Variants in ACOXL observed in about 807,000 individuals in gnomAD.
ACOXL encodes the protein acyl-coenzyme A oxidase-like protein.
In ACOXL, 70 loss-of-function variants were observed where a neutral mutation model predicts 71.9. The observed-to-expected ratio is 0.97, with a 90% CI of 0.80 to 1.19. The LOEUF (loss-of-function observed/expected upper bound fraction) is 1.19, where lower values mean the gene tolerates loss of function less well. Among genes scored for constraint, ACOXL ranks in the 50% most tolerant of loss-of-function variants. The pLI is 0.00. For missense variants in ACOXL, 703 were observed against 736.3 expected, an observed-to-expected ratio of 0.95 and a Z score of 0.52; for synonymous variants, 253 against 281.6, an observed-to-expected ratio of 0.90 and a Z score of 1.02.
intron 13 of ACOXL, among the ~76,000 whole-genome samples, chr2:110,987,787 T>C (rs1353182618): frequency 6.6e-6 from 1 of 152,238 alleles, no homozygotes; most frequent in Non-Finnish European, 1.5e-5. Flanking sequence ...TATTCTGTAA[T>C]ATTCCATCCT....
chr2:110,999,691 C>T (rs1263315479), intron 14 of ACOXL, among the ~76,000 whole-genome samples: 2 of 152,192 alleles, frequency 1.3e-5, no homozygotes, highest in African/African-American at 4.8e-5. Flanking sequence ...CTCTCTTTAT[C>T]TCTAATCACT....
intron 10 of ACOXL, among the ~76,000 whole-genome samples, chr2:110,858,143 G>A (rs932470797): frequency 3.3e-5 from 5 of 152,162 alleles, no homozygotes; most frequent in Non-Finnish European, 7.3e-5. Flanking sequence ...CTGTTTCGGG[G>A]ACAAGAAATT....
chr2:110,816,736 A>G (rs1687966938), intron 9 of ACOXL, among the ~76,000 whole-genome samples: 1 of 152,238 alleles, frequency 6.6e-6, no homozygotes, highest in South Asian at 2.1e-4. Flanking sequence ...TTCAGAGAGC[A>G]GCCGTGGCCT....
chr2:110,897,687 C>T (rs1430322696), intron 10 of ACOXL, among the ~76,000 whole-genome samples: 2 of 151,914 alleles, frequency 1.3e-5, no homozygotes, highest in Non-Finnish European at 1.5e-5. Flanking sequence ...TAGCAAGAAC[C>T]TAGAAAAAGA....
At chr2:110,919,444 A>G (rs1362970477) in intron 11 of ACOXL, among the ~76,000 whole-genome samples, 2 of 152,104 alleles carry the variant, frequency 1.3e-5, no homozygotes, top group Non-Finnish European at 2.9e-5. Context: ...CATTAGGAGA[A>G]ATACCTAATG....
intron 17 of ACOXL, among the ~76,000 whole-genome samples, chr2:111,094,846 A>C (rs1484845069): frequency 6.6e-6 from 1 of 152,186 alleles, no homozygotes; most frequent in Admixed American, 6.5e-5. Flanking sequence ...TATGGCTGGC[A>C]GCTCAGCTAG....
intron 15 of ACOXL, among the ~76,000 whole-genome samples, chr2:111,048,368 A>G (rs1283997842): frequency 1.3e-5 from 2 of 152,244 alleles, no homozygotes; most frequent in Non-Finnish European, 2.9e-5. Flanking sequence ...CAAAGGCTAA[A>G]CTAGTTGGGT....
At chr2:110,899,494 G>A (rs1280856550) in intron 10 of ACOXL, among the ~76,000 whole-genome samples, 5 of 152,166 alleles carry the variant, frequency 3.3e-5, no homozygotes. Flanking sequence ...AAAGAGGAGA[G>A]AAGGCCTGGA....
chr2:110,736,619 CTTTTTTT>C (rs57507260), intron 1 of ACOXL, among the ~76,000 whole-genome samples: 1 of 113,264 alleles, frequency 8.8e-6, no homozygotes, highest in African/African-American at 3.6e-5. Context: ...TTTGATTACT[CTTTTTTT>C]TTTTTTTTTT....
chr2:111,055,956 G>C (rs1202395220), intron 16 of ACOXL, among the ~76,000 whole-genome samples: 1 of 152,176 alleles, frequency 6.6e-6, no homozygotes, highest in African/African-American at 2.4e-5. Context: ...TAAGAGTGTG[G>C]CTGGCAGTGT....
intron 16 of ACOXL, 85 bp from the exon 17 acceptor site, chr2:111,092,780 G>A (rs549199896): frequency 1.7e-5 from 16 of 926,618 alleles, no homozygotes; most frequent in Non-Finnish European, 2.8e-5. Flanking sequence ...GTAATATTAT[G>A]TTATTTCTCT....
chr2:110,960,255 C>T (rs1417705596), intron 12 of ACOXL, among the ~76,000 whole-genome samples: 2 of 152,164 alleles, frequency 1.3e-5, no homozygotes, highest in African/African-American at 4.8e-5. Flanking sequence ...CCTCACTGAA[C>T]TTCAGTTTTT....
chr2:111,117,331 C>G (rs2150099080), intron 17 of ACOXL, among the ~76,000 whole-genome samples: 1 of 152,340 alleles, frequency 6.6e-6, no homozygotes, highest in Admixed American at 6.5e-5. Flanking sequence ...GTCTCGAGTT[C>G]CCGGCTAATT....
intron 16 of ACOXL, among the ~76,000 whole-genome samples, chr2:111,073,496 A>T (rs2067439993): frequency 6.6e-6 from 1 of 152,184 alleles, no homozygotes; most frequent in African/African-American, 2.4e-5. Flanking sequence ...CAAATTGACT[A>T]TTGTGATATC....
chr2:111,108,885 A>G (rs965813434), intron 17 of ACOXL, among the ~76,000 whole-genome samples: 1 of 152,232 alleles, frequency 6.6e-6, no homozygotes. Context: ...TAGGAATGGA[A>G]GCAGATAGAT....
At chr2:110,969,576 C>T (rs796930278) in intron 12 of ACOXL, among the ~76,000 whole-genome samples, 8 of 152,088 alleles carry the variant, frequency 5.3e-5, no homozygotes, top group African/African-American at 1.7e-4. Context: ...TTTGGGAGGC[C>T]GAGGTGGGCA....
chr2:110,915,364 GTGTGTGTGTGTGTGTGTATGTA>G (rs1300196004), intron 11 of ACOXL, among the ~76,000 whole-genome samples: 1 of 136,070 alleles, frequency 7.3e-6, no homozygotes, highest in Non-Finnish European at 1.6e-5. Context: ...GTGTGTGTGT[GTGTGTGTGTGTGTGTGTATGTA>G]TGTGTGTGTG....
At chr2:111,093,599 T>C (rs2068653267) in intron 17 of ACOXL, 1 of 1,542,750 alleles carries the variant, frequency 6.5e-7, no homozygotes, top group Non-Finnish European at 8.9e-7. Context: ...GTGCAGTGGC[T>C]CATGCCTGTA....
At chr2:110,844,200 A>G (rs1203401048) in intron 10 of ACOXL, among the ~76,000 whole-genome samples, 1 of 152,236 alleles carries the variant, frequency 6.6e-6, no homozygotes, top group Non-Finnish European at 1.5e-5. Context: ...CAAGCTGGGA[A>G]GACTTACCGA....
Sources: allele counts gnomAD v4.1 joint callset (sites outside exome capture counted in the v4.1 genomes callset), GRCh38; gene constraint gnomAD v4.1.1; transcripts MANE v1.5; gene names NCBI Gene and HGNC (gene_info 2026-07-23, HGNC 2026-07-21).